The following SLC9C2 variants were observed in gnomAD, a reference collection of about 807,000 sequenced individuals.
SLC9C2 encodes the protein solute carrier family 9 member C2 (putative), also known as sodium/hydrogen exchanger 11.
In SLC9C2, 75 loss-of-function variants were observed where a neutral mutation model predicts 140.2. The ratio of observed to expected loss-of-function variants is 0.53; its 90% CI spans 0.44 to 0.65. SLC9C2 has a LOEUF of 0.65. Ranked by LOEUF, SLC9C2 falls within the 30% of genes least tolerant of loss-of-function variation. The pLI is 0.00. For synonymous variants in SLC9C2, 375 were observed against 420.9 expected (o/e 0.89, Z 1.34); for missense variants, 1,074 against 1,331.8 (o/e 0.81, Z 3.01).
Position 173,538,319 on chromosome 1 carries a change from C to T in SLC9C2, c.1558-1280G>A, listed in dbSNP as rs79535259. On this transcript the variant is annotated intron_variant, in intron 13 of 27. Transcript: ENST00000367714. ...GAAGTTCAGTCCTGAGGCCTACCTC[C>T]AGTGTTTACACTTGCAGTTTTTCCG... is the stretch of plus-strand genomic sequence containing the variant. Among the ~76,000 whole-genome samples the T allele has an allele frequency of 9.4e-3, 1,439 of 152,320 alleles. 27 individuals are homozygous for T. Among genetic ancestry groups the T allele is most frequent in the African/African-American group, 0.033 (1,381 of 41,560 alleles).
At chr1:173,508,304 TTCTC>T (rs1416377158) in intron 24 of SLC9C2, among the ~76,000 whole-genome samples, 15 of 150,340 alleles carry the variant, frequency 1.0e-4, no homozygotes, top group African/African-American at 3.4e-4. Context: ...TAAATAGAGA[TTCTC>T]TATTTAATAA....
Position 173,534,543 on chromosome 1 carries a change from C to T in SLC9C2, c.1915G>A (p.Ala639Thr). ...WPMARGLNVSALISINYYFMF... is the reference protein window; with the variant it reads ...WPMARGLNVSTLISINYYFMF... ...AAATAGTAGTTTATTGATATCAGTG[C>T]TGATACATTTAAACCTCTTGCCATT... The change falls in exon 16 of 28, where the codon GCA (alanine) becomes ACA (threonine). Residue 639 changes from alanine (A) to threonine (T), a missense_variant. Physicochemically the swap from Ala to Thr is moderately conservative, Grantham distance 58 (BLOSUM62 0). Coordinates refer to ENST00000367714, the MANE Select transcript of SLC9C2 (RefSeq NM_178527.4). 1.3e-6 allele frequency: 2 copies of T among 1,598,102 alleles called. No individual in the cohort carries two copies. Among genetic ancestry groups the T allele is most frequent in the East Asian group, 2.3e-5 (1 of 43,970 alleles).
intron 10 of SLC9C2, among the ~76,000 whole-genome samples, chr1:173,555,811 T>C (rs888843042): frequency 1.3e-5 from 2 of 152,190 alleles, no homozygotes; most frequent in African/African-American, 4.8e-5. Context: ...AGGAATATGA[T>C]ACTCCATCAA....
chr1:173,544,617 T>A (rs567459873), intron 13 of SLC9C2, among the ~76,000 whole-genome samples: 22 of 152,276 alleles, frequency 1.4e-4, no homozygotes, highest in African/African-American at 4.1e-4. Context: ...CATATGTCCA[T>A]CAATGATAGA....
At chr1:173,532,901 A>C (rs1223020158) in intron 17 of SLC9C2, among the ~76,000 whole-genome samples, 2 of 152,170 alleles carry the variant, frequency 1.3e-5, no homozygotes, top group Non-Finnish European at 2.9e-5. Flanking sequence ...TGTAAAAAGA[A>C]AGACCAAAAC....
intron 9 of SLC9C2, among the ~76,000 whole-genome samples, chr1:173,560,891 G>A (rs560757080): frequency 6.6e-6 from 1 of 152,172 alleles, no homozygotes; most frequent in African/African-American, 2.4e-5. Flanking sequence ...CTGTCTCCCA[G>A]GTTCAAGCGA....
intron 14 of SLC9C2, 31 bp downstream of exon 14, chr1:173,536,911 G>A: frequency 6.8e-7 from 1 of 1,476,002 alleles, no homozygotes; most frequent in Admixed American, 1.7e-5. Flanking sequence ...TTCAATTTTG[G>A]AAATATCAAT....
rs951315570 is a variant in SLC9C2 at position 173,529,783 on chromosome 1, A to G, written c.2313+122T>C. 1.7e-5 allele frequency: 19 copies of G among 1,086,612 alleles called. No individual in the cohort carries two copies. The African/African-American group carries it at 2.9e-4, about 16-fold the overall frequency. 67.3% of individuals were successfully genotyped at this position (1,086,612 alleles called of 1,614,324 possible). On this transcript the variant is annotated intron_variant, in intron 18 of 27. Transcript: ENST00000367714. ...AGCACCTCATATGATATAATAAACAACTGAATCCCTTTCAACTGTTGGAAT... is the reference window on the plus strand; with the variant it reads ...AGCACCTCATATGATATAATAAACAGCTGAATCCCTTTCAACTGTTGGAAT...
At chr1:173,577,827 A>G (rs542017038) in intron 7 of SLC9C2, among the ~76,000 whole-genome samples, 1 of 152,298 alleles carries the variant, frequency 6.6e-6, no homozygotes, top group East Asian at 1.9e-4. Flanking sequence ...AGAGGAGTTT[A>G]CTATTCTTTT....
chr1:173,562,918 T>C (rs113238227), intron 9 of SLC9C2, among the ~76,000 whole-genome samples: 106 of 152,182 alleles, frequency 7.0e-4, no homozygotes, highest in Middle Eastern at 3.4e-3. Flanking sequence ...TCATTAACTA[T>C]ACAAGTAAGT....
chr1:173,544,447 T>C (rs964043417), intron 13 of SLC9C2, among the ~76,000 whole-genome samples: 1 of 152,214 alleles, frequency 6.6e-6, no homozygotes, highest in Non-Finnish European at 1.5e-5. Context: ...GAAGACAGTG[T>C]GGCGATTCCT....
At position 173,501,035 on chromosome 1, in the gene SLC9C2, C is replaced by T. The variant is rs1659228413; in HGVS notation, c.*59G>A. On this transcript the variant is annotated 3_prime_UTR_variant, in exon 28 of 28. Coordinates refer to ENST00000367714, the MANE Select transcript of SLC9C2 (RefSeq NM_178527.4). ...CGAGGAAAGTAGTTTGGTCTTTAAC[C>T]TGACTCCACACATCATATTTGTATC... 5 of 1,444,768 alleles carry T rather than the reference C, an allele frequency of 3.5e-6. No individual in the cohort carries two copies. Among genetic ancestry groups the T allele is most frequent in the Non-Finnish European group, 4.6e-6 (5 of 1,095,554 alleles). The allele number at this position is 1,444,768 out of a possible 1,614,324, so 89.5% of individuals were successfully genotyped here.
Position 173,557,403 on chromosome 1 carries a change from A to G in SLC9C2, c.1152T>C (p.Phe384=). Residue 384 remains phenylalanine (F), a synonymous_variant, in exon 10 of 28, where the codon TTT becomes TTC. Transcript: ENST00000367714. ...VITWSGIKGV[F]NLLWAPDVYN... is the part of the protein sequence containing the mutation. ...AAACATCAGGAGCCCAGAGTAAATT[A>G]AAAACTCCTTTAATTCCAGACCACG... 1 of 1,614,024 alleles carries G rather than the reference A, an allele frequency of 6.2e-7. No homozygotes were observed. Among genetic ancestry groups the G allele is most frequent in the Non-Finnish European group, 8.5e-7 (1 of 1,179,946 alleles).
rs763705272 is a variant in SLC9C2, at chr1:173,547,733, C to T, written c.1513G>A (p.Ala505Thr). The T allele has an allele frequency of 6.2e-7, 1 of 1,612,378 alleles. No individual in the cohort carries two copies. Among genetic ancestry groups the T allele is most frequent in the Non-Finnish European group, 8.5e-7 (1 of 1,178,800 alleles). ...DMKTESTTDE[A>T]LMEEARLHVA... Reference sequence around the variant, plus strand: ...TGCAATCTGGCTTCCTCCATTAAAGCTTCATCTGTTGTGGATTCTGTCTTC... The same window carrying T: ...TGCAATCTGGCTTCCTCCATTAAAGTTTCATCTGTTGTGGATTCTGTCTTC... The change falls in exon 13 of 28, where the codon GCT (alanine) becomes ACT (threonine). Residue 505 changes from alanine (A) to threonine (T), a missense_variant. Physicochemically the swap from Ala to Thr is moderately conservative, Grantham distance 58. Transcript: ENST00000367714.
At chr1:173,502,357 T>C (rs935713400) in intron 27 of SLC9C2, among the ~76,000 whole-genome samples, 5 of 151,022 alleles carry the variant, frequency 3.3e-5, no homozygotes, top group Non-Finnish European at 7.4e-5. Flanking sequence ...CCTTGAAGCC[T>C]GTGCTTAGCA....
intron 7 of SLC9C2, among the ~76,000 whole-genome samples, chr1:173,577,342 T>C (rs1403972376): frequency 2.0e-5 from 3 of 152,212 alleles, no homozygotes; most frequent in African/African-American, 7.2e-5. Flanking sequence ...ATGACTCCAG[T>C]TCCTTACACC....
At chr1:173,580,884 C>T (rs1054863184) in intron 7 of SLC9C2, among the ~76,000 whole-genome samples, 5 of 152,238 alleles carry the variant, frequency 3.3e-5, no homozygotes, top group Middle Eastern at 3.4e-3. Context: ...TGACTAAGAG[C>T]CTCCACCTCA....
intron 11 of SLC9C2, among the ~76,000 whole-genome samples, chr1:173,554,279 A>C (rs550744709): frequency 3.3e-5 from 5 of 152,198 alleles, no homozygotes; most frequent in Non-Finnish European, 5.9e-5. Flanking sequence ...ATAATGATAC[A>C]TACAGAGGGA....
chr1:173,569,131 C>G (rs915806046), intron 9 of SLC9C2, among the ~76,000 whole-genome samples: 4 of 152,054 alleles, frequency 2.6e-5, no homozygotes, highest in Non-Finnish European at 5.9e-5. Flanking sequence ...TGTCATGCCA[C>G]TCTCTCCTAG....
Sources: gnomAD v4.1 joint callset for allele counts (sites outside exome capture counted in the v4.1 genomes callset) on GRCh38, gnomAD v4.1.1 for gene constraint, MANE v1.5 for transcripts, NCBI Gene and HGNC (gene_info 2026-07-23, HGNC 2026-07-21) for gene names.